PKIB: variants seen among roughly 807,000 people sequenced by gnomAD.
PKIB encodes PKI-beta.
PKIB carries 2 observed loss-of-function variants against 4.5 expected under a neutral mutation model. The observed-to-expected ratio is 0.44, with a 90% CI of 0.18 to 1.39. The LOEUF (loss-of-function observed/expected upper bound fraction) is 1.39, where lower values mean the gene tolerates loss of function less well. Among genes scored for constraint, PKIB ranks in the 40% most tolerant of loss-of-function variants. The pLI is 0.27. For synonymous variants in PKIB, 38 were observed against 36.0 expected (o/e 1.06, Z -0.20); for missense variants, 94 against 92.6 (o/e 1.02, Z -0.06).
At chr6:122,479,452 C>T (rs1245777977) in intron 2 of PKIB, 1 of 152,162 alleles carries the variant, frequency 6.6e-6, no homozygotes, top group Non-Finnish European at 1.5e-5. Flanking sequence ...TGTTTTAATT[C>T]TGTCAATTAG....
In PKIB at chr6:122,646,213, T is replaced by C. The variant is rs534117340; in HGVS notation, c.-76+12846T>C. On this transcript the variant is annotated intron_variant, in intron 2 of 4. Transcript: ENST00000368452. ...TTGCTTGTAATAGAAGAGAAAATTA[T>C]GTGGAAGTTGCTGAAATTAATTTCC... 1.8e-4 allele frequency among the ~76,000 whole-genome samples: 27 copies of C among 152,322 alleles called. 1 individual carries two copies. The highest frequency in any genetic ancestry group is 1.5e-3 in the Admixed American group (23 of 15,290).
At chr6:122,702,076 T>A (rs1778832719) in intron 3 of PKIB, among the ~76,000 whole-genome samples, 1 of 152,150 alleles carries the variant, frequency 6.6e-6, no homozygotes, top group African/African-American at 2.4e-5. Context: ...GTAAGGAGAC[T>A]TGCCAGTCTT....
At chr6:122,691,231 T>A (rs11154107) in intron 3 of PKIB, among the ~76,000 whole-genome samples, 2 of 151,768 alleles carry the variant, frequency 1.3e-5, no homozygotes, top group East Asian at 3.9e-4. Context: ...ATATTTTTGT[T>A]TAGGTTTGAG....
In PKIB at chr6:122,675,115, G is replaced by T. The variant is rs1562296369; in HGVS notation, c.-38G>T. ...ATCAGAATTTTTTAAACCTGTCTCA[G>T]AAATAACAACATATTTTAATCAGAG... On this transcript the variant is annotated 5_prime_UTR_variant, in exon 3 of 5. Coordinates refer to ENST00000368452, the MANE Select transcript of PKIB (RefSeq NM_181795.3). 1 of 152,220 alleles carries T rather than the reference G, an allele frequency of 6.6e-6. No individual in the cohort carries two copies. The highest frequency in any genetic ancestry group is 1.5e-5 in the Non-Finnish European group (1 of 68,008). 9.4% of individuals were successfully genotyped at this position (152,220 alleles called of 1,614,324 possible).
At chr6:122,714,353 TG>T (rs1779394620) in intron 3 of PKIB, among the ~76,000 whole-genome samples, 2 of 152,202 alleles carry the variant, frequency 1.3e-5, no homozygotes, top group African/African-American at 4.8e-5. Flanking sequence ...AAAACAGTTT[TG>T]TTACTTAGCC....
At position 122,710,111 on chromosome 6, in the gene PKIB, G is replaced by T. The variant is rs545853240; in HGVS notation, c.-8-7676G>T. Among the ~76,000 whole-genome samples the T allele has an allele frequency of 7.9e-5, 12 of 152,104 alleles. No individual in the cohort carries two copies. In the South Asian group the frequency reaches 2.3e-3, roughly 29 times the overall value. On this transcript the variant is annotated intron_variant, in intron 3 of 4. Coordinates refer to ENST00000368452, the MANE Select transcript of PKIB (RefSeq NM_181795.3). ...AGGTATCAGCTATTAATTCAACATT[G>T]ATTTATTGATTGTATTAAGCAGATA...
chr6:122,686,561 G>C (rs551629394), intron 3 of PKIB, among the ~76,000 whole-genome samples: 1 of 152,016 alleles, frequency 6.6e-6, no homozygotes, highest in African/African-American at 2.4e-5. Context: ...GCAGTGGCAT[G>C]ATCATGGCTC....
chr6:122,653,778 TG>T (rs1776664227), intron 2 of PKIB, among the ~76,000 whole-genome samples: 2 of 151,958 alleles, frequency 1.3e-5, no homozygotes, highest in African/African-American at 4.8e-5. Context: ...CTGGCCAACA[TG>T]GTGAAACCCT....
At chr6:122,581,029 T>C (rs1430795465) in intron 2 of PKIB, among the ~76,000 whole-genome samples, 3 of 152,288 alleles carry the variant, frequency 2.0e-5, no homozygotes, top group African/African-American at 7.2e-5. Flanking sequence ...CTTCCATCAA[T>C]CACAGGCTGG....
intron 2 of PKIB, among the ~76,000 whole-genome samples, chr6:122,554,920 T>A (rs1188476878): frequency 6.6e-6 from 1 of 152,140 alleles, no homozygotes; most frequent in Non-Finnish European, 1.5e-5. Flanking sequence ...TCTTAAAGAT[T>A]TTCAATAAAA....
chr6:122,668,467 G>A (rs1195087092), intron 2 of PKIB, among the ~76,000 whole-genome samples: 1 of 152,192 alleles, frequency 6.6e-6, no homozygotes, highest in African/African-American at 2.4e-5. Flanking sequence ...GAAAAATGGA[G>A]TCTTTCCTGA....
At position 122,702,322 on chromosome 6, in the gene PKIB, A is replaced by G. The variant is rs1489562736; in HGVS notation, c.-8-15465A>G. Among the ~76,000 whole-genome samples the G allele has an allele frequency of 3.0e-5, 4 of 134,796 alleles. No individual in the cohort carries two copies. In the East Asian group the frequency reaches 9.2e-4, roughly 31 times the overall value. The allele number at this position is 134,796 out of a possible 152,430, so 88.4% of individuals were successfully genotyped here. A position where few individuals can be genotyped will look rare whatever the true frequency, so the allele number is the denominator to read the frequency against. The stretch of plus-strand genomic sequence containing the variant: ...CCCAGGTCTCAGGTAATTTTTTAAA[A>G]AAACTTTTTTTTTTTTTTTTTTTTT... On this transcript the variant is annotated intron_variant, in intron 3 of 4. Transcript: ENST00000368452.
intron 2 of PKIB, among the ~76,000 whole-genome samples, chr6:122,548,272 A>G (rs928805863): frequency 1.3e-5 from 2 of 152,212 alleles, no homozygotes; most frequent in Non-Finnish European, 2.9e-5. Flanking sequence ...AACCTTTGTG[A>G]GACTTCTACA....
At chr6:122,518,530 C>A (rs763627304) in intron 2 of PKIB, among the ~76,000 whole-genome samples, 1 of 151,890 alleles carries the variant, frequency 6.6e-6, no homozygotes, top group Non-Finnish European at 1.5e-5. Flanking sequence ...TGGAGAGGAA[C>A]GATTTGAGCT....
chr6:122,521,439 G>C (rs956670832), intron 2 of PKIB, among the ~76,000 whole-genome samples: 2 of 152,106 alleles, frequency 1.3e-5, no homozygotes, highest in African/African-American at 4.8e-5. Context: ...TTAGCACTTT[G>C]GGAGGCTGAG....
chr6:122,642,594 A>G (rs893895507), intron 2 of PKIB, among the ~76,000 whole-genome samples: 2 of 152,144 alleles, frequency 1.3e-5, no homozygotes, highest in African/African-American at 4.8e-5. Flanking sequence ...TTGTCCCTCT[A>G]GGTAGGAGAA....
At chr6:122,628,509 G>A (rs777490501) in intron 1 of PKIB, among the ~76,000 whole-genome samples, 1 of 152,108 alleles carries the variant, frequency 6.6e-6, no homozygotes, top group Non-Finnish European at 1.5e-5. Context: ...GAATATTTTT[G>A]AGCTTCAGTT....
At chr6:122,583,271 T>C (rs1350658843) in intron 2 of PKIB, among the ~76,000 whole-genome samples, 1 of 152,076 alleles carries the variant, frequency 6.6e-6, no homozygotes, top group African/African-American at 2.4e-5. Context: ...ATCTTAATAA[T>C]ATCTTCTACA....
At position 122,599,128 on chromosome 6, in the gene PKIB, T is replaced by C. The variant is rs183226075; in HGVS notation, c.-161+13121T>C. On this transcript the variant is annotated intron_variant, in intron 3 of 6. Coordinates refer to the PKIB transcript ENST00000392491. ...TGGCTTCTGAGGAGAATCAACATTA[T>C]CTTGTCTGGCAATTGCCTCAGGGGA... Among the ~76,000 whole-genome samples, 379 of 152,228 alleles carry C rather than the reference T, an allele frequency of 2.5e-3. 2 individuals are homozygous for C. Among genetic ancestry groups the C allele is most frequent in the Admixed American group, 5.6e-3 (86 of 15,290 alleles).
Sources: allele counts gnomAD v4.1 joint callset (sites outside exome capture counted in the v4.1 genomes callset), GRCh38; gene constraint gnomAD v4.1.1; transcripts MANE v1.5; gene names NCBI Gene and HGNC (gene_info 2026-07-23, HGNC 2026-07-21).